Variants in RALA observed in about 807,000 individuals in gnomAD.
RALA encodes the protein ras-related protein Ral-A.
In RALA, 5 loss-of-function variants were observed where a neutral mutation model predicts 24.0. The observed-to-expected ratio is 0.21, with a 90% confidence interval of 0.11 to 0.44. The LOEUF (loss-of-function observed/expected upper bound fraction) is 0.44, where lower values mean the gene tolerates loss of function less well. Among genes scored for constraint, RALA ranks in the 20% least tolerant of loss-of-function variants. The probability of loss-of-function intolerance (pLI) is 0.99; values close to 1 mark genes in which losing one functional copy is unlikely to be tolerated. For synonymous variants in RALA, 77 were observed against 83.8 expected, an observed-to-expected ratio of 0.92 and a Z score of 0.44; for missense variants, 95 against 241.2, an observed-to-expected ratio of 0.39 and a Z score of 4.01.
chr7:39,628,376 T>TACACACACACACACAC (rs36095637), intron 1 of RALA, among the ~76,000 whole-genome samples: 75 of 145,140 alleles, frequency 5.2e-4, no homozygotes, highest in African/African-American at 1.8e-3. Context: ...ACCTCATAAC[T>TACACACACACACACAC]ACACACACAC....
chr7:39,687,426 C>CA (rs1177045271), intron 2 of RALA, among the ~76,000 whole-genome samples: 2,604 of 115,332 alleles, frequency 0.023, 56 homozygotes, highest in African/African-American at 0.064. Context: ...GACTCCATCC[C>CA]AAAAAAAAAA....
intron 1 of RALA, among the ~76,000 whole-genome samples, chr7:39,684,362 G>A (rs1792656534): frequency 6.6e-6 from 1 of 152,206 alleles, no homozygotes; most frequent in East Asian, 1.9e-4. Context: ...ATTGAAAGCA[G>A]TCTCCAAGGA....
intron 1 of RALA, among the ~76,000 whole-genome samples, chr7:39,654,718 A>C (rs551113408): frequency 3.3e-5 from 5 of 152,146 alleles, no homozygotes; most frequent in African/African-American, 7.2e-5. Context: ...TTTTTTGTAT[A>C]TGGTGTATAT....
At chr7:39,636,849 C>G (rs905457814) in intron 1 of RALA, among the ~76,000 whole-genome samples, 1 of 149,068 alleles carries the variant, frequency 6.7e-6, no homozygotes, top group Admixed American at 6.6e-5. Flanking sequence ...GAGAGAGACA[C>G]GGGGGCAAGG....
At chr7:39,701,859 A>G (rs1018902749) in intron 4 of RALA, among the ~76,000 whole-genome samples, 5 of 152,230 alleles carry the variant, frequency 3.3e-5, no homozygotes, top group Admixed American at 6.5e-5. Context: ...CTAAAGGAAC[A>G]TCTGGGCAAT....
chr7:39,695,490 C>G (rs1019127726), intron 3 of RALA, among the ~76,000 whole-genome samples: 2 of 151,766 alleles, frequency 1.3e-5, no homozygotes, highest in African/African-American at 4.8e-5. Context: ...TGGCTCACTG[C>G]AGCCTTGAAC....
chr7:39,673,722 A>G (rs760957462), intron 1 of RALA, among the ~76,000 whole-genome samples: 18 of 151,988 alleles, frequency 1.2e-4, no homozygotes, highest in Non-Finnish European at 2.5e-4. Context: ...TCCTTTTCTA[A>G]TATGGTACCA....
intron 1 of RALA, among the ~76,000 whole-genome samples, chr7:39,685,321 C>T (rs571722613): frequency 2.0e-5 from 3 of 152,214 alleles, no homozygotes; most frequent in South Asian, 4.2e-4. Context: ...AGAAGGAGAC[C>T]GTTGTGGGTC....
At chr7:39,654,227 A>G (rs11973049) in intron 1 of RALA, among the ~76,000 whole-genome samples, 1,777 of 152,314 alleles carry the variant, frequency 0.012, 38 homozygotes, top group African/African-American at 0.04. Context: ...ATTGAATAAT[A>G]TGTTATCAAA....
At chr7:39,651,058 G>A (rs752006138) in intron 1 of RALA, among the ~76,000 whole-genome samples, 12 of 152,138 alleles carry the variant, frequency 7.9e-5, no homozygotes, top group Non-Finnish European at 1.5e-4. Flanking sequence ...GACAGTCCCC[G>A]ACTTAGGATT....
chr7:39,668,853 C>T (rs145365403), intron 1 of RALA, among the ~76,000 whole-genome samples: 1,579 of 150,416 alleles, frequency 0.01, 26 homozygotes, highest in African/African-American at 0.036. Context: ...CAGTGGCTCA[C>T]GCCTGTAATT....
chr7:39,656,603 C>T (rs563648452), intron 1 of RALA, among the ~76,000 whole-genome samples: 2 of 152,204 alleles, frequency 1.3e-5, no homozygotes, highest in Non-Finnish European at 2.9e-5. Flanking sequence ...TGCAACAAGA[C>T]CGTGTTTTTG....
chr7:39,662,407 C>G (rs980117038), intron 1 of RALA, among the ~76,000 whole-genome samples: 1 of 152,084 alleles, frequency 6.6e-6, no homozygotes, highest in Admixed American at 6.5e-5. Context: ...TGTCAAAGTT[C>G]TATGCTGTTT....
At chr7:39,677,352 A>G (rs376300872) in intron 1 of RALA, among the ~76,000 whole-genome samples, 3 of 147,820 alleles carry the variant, frequency 2.0e-5, no homozygotes, top group African/African-American at 5.0e-5. Flanking sequence ...ATGGTTTCCA[A>G]TTTCATCCAT....
intron 1 of RALA, among the ~76,000 whole-genome samples, chr7:39,670,442 C>T (rs531963219): frequency 5.8e-4 from 88 of 152,280 alleles, no homozygotes; most frequent in African/African-American, 2.0e-3. Flanking sequence ...CCACCATGCT[C>T]AGCTGAACAT....
chr7:39,644,318 T>G (rs1791889457), intron 1 of RALA, among the ~76,000 whole-genome samples: 1 of 152,184 alleles, frequency 6.6e-6, no homozygotes, highest in Non-Finnish European at 1.5e-5. Flanking sequence ...ATGTATCATT[T>G]CTTGCAACCT....
chr7:39,645,785 T>C (rs1194209688), intron 1 of RALA, among the ~76,000 whole-genome samples: 1 of 152,132 alleles, frequency 6.6e-6, no homozygotes, highest in Non-Finnish European at 1.5e-5. Context: ...ATAACGGAGA[T>C]GCATCAGGTT....
intron 1 of RALA, among the ~76,000 whole-genome samples, chr7:39,664,958 A>G (rs554201144): frequency 3.3e-5 from 5 of 152,362 alleles, no homozygotes; most frequent in African/African-American, 7.2e-5. Flanking sequence ...GGTTCTTATT[A>G]TTCAAGACTG....
intron 4 of RALA, among the ~76,000 whole-genome samples, chr7:39,705,205 G>T (rs991385086): frequency 2.0e-5 from 3 of 152,106 alleles, no homozygotes; most frequent in Admixed American, 2.0e-4. Context: ...CTGCTATTCT[G>T]TGCCTTGCTT....
Sources: allele counts gnomAD v4.1 joint callset (sites outside exome capture counted in the v4.1 genomes callset), GRCh38; gene constraint gnomAD v4.1.1; transcripts MANE v1.5; gene names NCBI Gene and HGNC (gene_info 2026-07-23, HGNC 2026-07-21).